The following LAPTM4B variants were observed in gnomAD, a reference collection of about 807,000 sequenced individuals.
LAPTM4B encodes lysosomal-associated transmembrane protein 4B.
LAPTM4B carries 26 observed loss-of-function variants against 28.5 expected under a neutral mutation model. The observed-to-expected ratio is 0.91, with a 90% confidence interval of 0.67 to 1.27. The LOEUF (loss-of-function observed/expected upper bound fraction) is 1.27, where lower values mean the gene tolerates loss of function less well. Among genes scored for constraint, LAPTM4B ranks in the 50% most tolerant of loss-of-function variants. LAPTM4B has a pLI of 0.00. For missense variants in LAPTM4B, 288 were observed against 285.8 expected, an observed-to-expected ratio of 1.01 and a Z score of -0.06; for synonymous variants, 109 against 106.4, an observed-to-expected ratio of 1.02 and a Z score of -0.15.
chr8:97,812,320 A>T (rs1304614852), intron 2 of LAPTM4B, among the ~76,000 whole-genome samples: 2 of 149,910 alleles, frequency 1.3e-5, no homozygotes, highest in African/African-American at 2.4e-5. Flanking sequence ...CCCAGGTTCA[A>T]GTGATTCTCC....
At chr8:97,849,792 AC>A (rs1166589806) in intron 6 of LAPTM4B, among the ~76,000 whole-genome samples, 5 of 143,328 alleles carry the variant, frequency 3.5e-5, no homozygotes, top group South Asian at 4.8e-4. Context: ...GAAAGCCGCC[AC>A]CCCCCCTCCT....
chr8:97,838,709 G>T (rs1817299252), intron 6 of LAPTM4B, among the ~76,000 whole-genome samples: 1 of 152,188 alleles, frequency 6.6e-6, no homozygotes, highest in African/African-American at 2.4e-5. Context: ...GTATTGCCCA[G>T]GATGAGGAGT....
chr8:97,824,979 A>G (rs1174222007), intron 5 of LAPTM4B, 79 bp from the exon 6 acceptor site: 7 of 778,642 alleles, frequency 9.0e-6, no homozygotes, highest in Non-Finnish European at 1.6e-5. Context: ...AAGTTTTATA[A>G]TATGGCTTTA....
intron 5 of LAPTM4B, among the ~76,000 whole-genome samples, chr8:97,822,214 C>T (rs1200378122): frequency 2.6e-5 from 4 of 151,438 alleles, no homozygotes; most frequent in Non-Finnish European, 5.9e-5. Context: ...CACAGACTCA[C>T]ATCTCACTCA....
At chr8:97,838,268 A>T (rs7015672) in intron 6 of LAPTM4B, among the ~76,000 whole-genome samples, 60,947 of 152,054 alleles carry the variant, frequency 0.4, 12,884 homozygotes, top group Non-Finnish European at 0.47. Context: ...CCCAGCCATC[A>T]TTTGATGCCC....
At chr8:97,805,589 A>AGAG in intron 2 of LAPTM4B, 125 bp downstream of exon 2, 1 of 663,472 alleles carries the variant, frequency 1.5e-6, no homozygotes, top group Non-Finnish European at 2.7e-6. Context: ...TTGCAAATCA[A>AGAG]CGAATATTTG....
At chr8:97,826,386 C>A (rs1817091600) in intron 6 of LAPTM4B, among the ~76,000 whole-genome samples, 1 of 152,174 alleles carries the variant, frequency 6.6e-6, no homozygotes, top group Non-Finnish European at 1.5e-5. Flanking sequence ...TTCTGCTCAA[C>A]CCCTTTAAAA....
intron 1 of LAPTM4B, among the ~76,000 whole-genome samples, chr8:97,794,757 A>G (rs1017065251): frequency 4.6e-5 from 7 of 152,212 alleles, no homozygotes; most frequent in African/African-American, 1.7e-4. Flanking sequence ...TCTGTCACCC[A>G]CGCTGGAGTG....
chr8:97,821,394 G>A (rs1425790461), intron 5 of LAPTM4B, among the ~76,000 whole-genome samples: 1 of 152,034 alleles, frequency 6.6e-6, no homozygotes, highest in Non-Finnish European at 1.5e-5. Context: ...GAAGTCCGGC[G>A]GAGTCAGAGG....
chr8:97,810,202 A>G (rs376107777), intron 2 of LAPTM4B, among the ~76,000 whole-genome samples: 113 of 152,286 alleles, frequency 7.4e-4, no homozygotes, highest in Non-Finnish European at 1.2e-3. Flanking sequence ...GATTACAGGC[A>G]TGAGCCACCC....
At chr8:97,798,917 A>G (rs1816631004) in intron 1 of LAPTM4B, among the ~76,000 whole-genome samples, 1 of 152,236 alleles carries the variant, frequency 6.6e-6, no homozygotes, top group African/African-American at 2.4e-5. Flanking sequence ...AGCACAGTGT[A>G]TCTAAAATCG....
chr8:97,816,270 A>C, intron 4 of LAPTM4B, 90 bp downstream of exon 4: 1 of 1,271,608 alleles, frequency 7.9e-7, no homozygotes, highest in Non-Finnish European at 1.1e-6. Context: ...CACAGACATT[A>C]ATTTCAGGAT....
intron 5 of LAPTM4B, among the ~76,000 whole-genome samples, chr8:97,819,467 CAT>C (rs1470405810): frequency 1.3e-5 from 2 of 152,138 alleles, no homozygotes; most frequent in African/African-American, 4.8e-5. Flanking sequence ...GATAAGTTAA[CAT>C]AATGTTATAC....
At chr8:97,817,242 C>A (rs1203545672) in intron 4 of LAPTM4B, among the ~76,000 whole-genome samples, 3 of 151,822 alleles carry the variant, frequency 2.0e-5, no homozygotes, top group Non-Finnish European at 2.9e-5. Context: ...CGTGATCCTC[C>A]CATCTCAACC....
At chr8:97,777,368 G>A (rs1479895530) in intron 1 of LAPTM4B, among the ~76,000 whole-genome samples, 1 of 151,756 alleles carries the variant, frequency 6.6e-6, no homozygotes, top group Non-Finnish European at 1.5e-5. Context: ...GGCTGGTCTC[G>A]AACTGCTGAC....
Position 97,775,824 on chromosome 8 carries a change from G to C in LAPTM4B, c.-186G>C. 3.9e-6 allele frequency: 6 copies of C among 1,557,918 alleles called. No homozygotes were observed. Among genetic ancestry groups the C allele is most frequent in the Non-Finnish European group, 5.2e-6 (6 of 1,158,366 alleles). On this transcript the variant is annotated 5_prime_UTR_variant, in exon 1 of 7. Coordinates refer to ENST00000521545, the MANE Select transcript of LAPTM4B (RefSeq NM_018407.6). Reference sequence around the variant, plus strand: ...TGCAGCGGTCGCCTTCGGAGCGAAGGGTACCGACCCGGCAGAAGCTCGGAG... The same window carrying C: ...TGCAGCGGTCGCCTTCGGAGCGAAGCGTACCGACCCGGCAGAAGCTCGGAG...
intron 2 of LAPTM4B, among the ~76,000 whole-genome samples, chr8:97,809,915 A>G (rs1037936113): frequency 7.9e-5 from 12 of 152,120 alleles, no homozygotes; most frequent in Non-Finnish European, 5.9e-5. Context: ...GAAAGAAAAT[A>G]TAAGAAAATG....
chr8:97,851,095 A>G (rs1817517439), intron 6 of LAPTM4B, among the ~76,000 whole-genome samples: 1 of 151,908 alleles, frequency 6.6e-6, no homozygotes, highest in Admixed American at 6.6e-5. Flanking sequence ...ACATGGACAC[A>G]CTCACCTAGG....
chr8:97,829,578 A>G (rs1401376789), intron 6 of LAPTM4B, among the ~76,000 whole-genome samples: 1 of 152,136 alleles, frequency 6.6e-6, no homozygotes, highest in African/African-American at 2.4e-5. Flanking sequence ...GTGTCCAAGA[A>G]CAGGGGGTGT....
Sources: gnomAD v4.1 joint callset for allele counts (sites outside exome capture counted in the v4.1 genomes callset) on GRCh38, gnomAD v4.1.1 for gene constraint, MANE v1.5 for transcripts, NCBI Gene and HGNC (gene_info 2026-07-23, HGNC 2026-07-21) for gene names.